NAV1: variants seen among roughly 807,000 people sequenced by gnomAD.
The protein encoded by NAV1 is pore membrane and/or filament interacting like protein 3.
A neutral mutation model predicts 175.2 loss-of-function variants in NAV1; 18 were observed. The observed-to-expected ratio is 0.10, with a 90% CI of 0.07 to 0.15. The LOEUF is 0.15. Ranked by LOEUF, NAV1 falls within the 10% of genes least tolerant of loss-of-function variation. The pLI, the probability that NAV1 is intolerant of heterozygous loss-of-function variation, is 1.00. For synonymous variants in NAV1, 897 were observed against 978.7 expected (o/e 0.92, Z 1.56); for missense variants, 1,731 against 2,436.6 (o/e 0.71, Z 6.10).
At chr1:201,681,413 C>T (rs756036568) in intron 1 of NAV1, among the ~76,000 whole-genome samples, 3 of 152,164 alleles carry the variant, frequency 2.0e-5, no homozygotes, top group Non-Finnish European at 2.9e-5. Flanking sequence ...TAATGGGGTT[C>T]GTGAGTCCCC....
At chr1:201,688,671 A>T (rs916570495) in intron 1 of NAV1, among the ~76,000 whole-genome samples, 3 of 152,200 alleles carry the variant, frequency 2.0e-5, no homozygotes, top group African/African-American at 7.2e-5. Flanking sequence ...TTATTCAGGG[A>T]TTCTGAGAGC....
chr1:201,544,831 G>A (rs948646025), intron 1 of NAV1, among the ~76,000 whole-genome samples: 4 of 152,168 alleles, frequency 2.6e-5, no homozygotes, highest in African/African-American at 9.7e-5. Flanking sequence ...GGTCTCAGCA[G>A]CCCCACTTCC....
chr1:201,719,446 ATCT>A (rs951831398), intron 3 of NAV1: 8 of 153,752 alleles, frequency 5.2e-5, no homozygotes, highest in Admixed American at 3.3e-4. Flanking sequence ...AGGGACCCTC[ATCT>A]TCTTATATTT....
chr1:201,790,447 C>A, intron 11 of NAV1, 107 bp from the exon 16 acceptor site: 2 of 1,291,668 alleles, frequency 1.5e-6, no homozygotes, highest in South Asian at 1.2e-5. Context: ...ACCTCTGAGT[C>A]ATGCTTCTTC....
chr1:201,563,350 T>G (rs73082574), intron 1 of NAV1, among the ~76,000 whole-genome samples: 2 of 152,050 alleles, frequency 1.3e-5, no homozygotes, highest in South Asian at 4.1e-4. Context: ...CCAACACGAT[T>G]TTTTTTCTGG....
At chr1:201,597,257 G>T (rs1048721800) in intron 2 of NAV1, among the ~76,000 whole-genome samples, 1 of 152,248 alleles carries the variant, frequency 6.6e-6, no homozygotes, top group East Asian at 1.9e-4. Flanking sequence ...AGTGAAGGGG[G>T]TTGAGGAGAG....
intron 2 of NAV1, among the ~76,000 whole-genome samples, chr1:201,642,382 TTTTG>T (rs916524922): frequency 2.0e-5 from 3 of 151,682 alleles, no homozygotes; most frequent in African/African-American, 4.8e-5. Context: ...CCAGCTAATT[TTTTG>T]TTTGTTTGTT....
chr1:201,807,235 C>G lies in NAV1; in HGVS notation c.3649-718C>G, dbSNP rs895021646. ...TCTAAAGAAATGCTGGGAAATAGCCCTTCTTCTAGGACATTGGAAATCATA... is the reference window on the plus strand; with the variant it reads ...TCTAAAGAAATGCTGGGAAATAGCCGTTCTTCTAGGACATTGGAAATCATA... On this transcript the variant is annotated intron_variant, in intron 17 of 29. Coordinates refer to ENST00000367296, the Ensembl canonical transcript of NAV1. This position sits in a 1 kb window ranked among gnomAD's most constrained non-coding sequence, Gnocchi z 5.4. 2.0e-5 allele frequency among the ~76,000 whole-genome samples: 3 copies of G among 152,170 alleles called. No individual in the cohort carries two copies. Among genetic ancestry groups the G allele is most frequent in the Non-Finnish European group, 4.4e-5 (3 of 68,024 alleles).
intron 1 of NAV1, among the ~76,000 whole-genome samples, chr1:201,706,860 A>G (rs978264614): frequency 6.6e-6 from 1 of 152,176 alleles, no homozygotes; most frequent in Non-Finnish European, 1.5e-5. Flanking sequence ...AACTTGGGGA[A>G]ATTTGACTGC....
intron 1 of NAV1, among the ~76,000 whole-genome samples, chr1:201,587,957 T>G (rs1051763163): frequency 1.3e-5 from 2 of 152,144 alleles, no homozygotes; most frequent in African/African-American, 4.8e-5. Context: ...TCTCAGAGAT[T>G]GTTAGTGGAA....
intron 7 of NAV1, 97 bp from the exon 12 acceptor site, chr1:201,785,213 T>C (rs1344587285): frequency 7.6e-7 from 1 of 1,318,720 alleles, no homozygotes; most frequent in Non-Finnish European, 1.1e-6. Flanking sequence ...GTCTAGGGTC[T>C]GCATACCTCA....
At chr1:201,588,362 T>C (rs1167366418) in intron 1 of NAV1, among the ~76,000 whole-genome samples, 177 bp from the exon 2 acceptor site, 1 of 152,148 alleles carries the variant, frequency 6.6e-6, no homozygotes, top group Non-Finnish European at 1.5e-5. Flanking sequence ...TTGTTTGTTT[T>C]TAAGAGATAG....
intron 2 of NAV1, among the ~76,000 whole-genome samples, chr1:201,597,806 C>G (rs1667398555): frequency 6.6e-6 from 1 of 152,236 alleles, no homozygotes; most frequent in African/African-American, 2.4e-5. Context: ...TCCTGCTGTG[C>G]CCGTGATGTC....
chr1:201,756,874 TTCTTTCTTTCTCTG>T lies in NAV1; in HGVS notation c.1227-23539_1227-23526del, dbSNP rs1558131873. Among the ~76,000 whole-genome samples the T allele has an allele frequency of 1.7e-3, 189 of 114,166 alleles. 4 individuals carry two copies. Among genetic ancestry groups the T allele is most frequent in the African/African-American group, 7.9e-3 (186 of 23,528 alleles). 74.9% of individuals were successfully genotyped at this position (114,166 alleles called of 152,430 possible). A position where few individuals can be genotyped will look rare whatever the true frequency, so the allele number is the denominator to read the frequency against. ...TTTCTTTCTTTCTTTCTTTCTTTCT[TTCTTTCTTTCTCTG>T]TCTTTCTCCCCACTACTTTGGCTTT... On this transcript the variant is annotated intron_variant, in intron 3 of 29. Coordinates refer to ENST00000367296, the Ensembl canonical transcript of NAV1.
intron 1 of NAV1, among the ~76,000 whole-genome samples, chr1:201,544,076 A>G (rs912288870): frequency 1.4e-4 from 22 of 152,276 alleles, no homozygotes; most frequent in African/African-American, 4.8e-4. Flanking sequence ...CGCGGGCTTC[A>G]TTTCCTCTAG....
At chr1:201,699,801 C>G (rs1041749173) in intron 1 of NAV1, among the ~76,000 whole-genome samples, 1 of 152,136 alleles carries the variant, frequency 6.6e-6, no homozygotes, top group Non-Finnish European at 1.5e-5. Flanking sequence ...TCTACAACCA[C>G]CTGATCTTTG....
intron 16 of NAV1, 50 bp from the exon 21 acceptor site, chr1:201,804,439 T>TC: frequency 1.4e-6 from 1 of 714,076 alleles, no homozygotes; most frequent in Non-Finnish European, 1.9e-6. Flanking sequence ...GTGTTGATTC[T>TC]TTTTTTTTTT....
intron 13 of NAV1, chr1:201,791,015 G>A (rs1677084551): frequency 2.1e-6 from 1 of 466,262 alleles, no homozygotes; most frequent in African/African-American, 1.9e-5. Flanking sequence ...ATGTCTGATG[G>A]GCTGAGCTCC....
At chr1:201,654,084 G>A (rs990903528) in intron 1 of NAV1, among the ~76,000 whole-genome samples, 2 of 152,198 alleles carry the variant, frequency 1.3e-5, no homozygotes, top group African/African-American at 4.8e-5. Context: ...GCCTCTGAGA[G>A]TACCGCATGG....
Sources: gnomAD v4.1 joint callset for allele counts (sites outside exome capture counted in the v4.1 genomes callset) on GRCh38, gnomAD v4.1.1 for gene constraint, Gnocchi (gnomAD v3.1) non-coding constraint, MANE v1.5 for transcripts, NCBI Gene and HGNC (gene_info 2026-07-23, HGNC 2026-07-21) for gene names.